Variants in TRDMT1 observed in about 807,000 individuals in gnomAD.
TRDMT1 encodes the protein tRNA aspartic acid methyltransferase 1, also known as tRNA (cytosine(38)-C(5))-methyltransferase.
TRDMT1 carries 49 observed loss-of-function variants against 51.2 expected under a neutral mutation model. The ratio of observed to expected loss-of-function variants is 0.96; its 90% CI spans 0.76 to 1.21. TRDMT1 has a LOEUF of 1.21. TRDMT1 is among the 50% of genes most tolerant of loss of function. TRDMT1 has a pLI of 0.00. For synonymous variants in TRDMT1, 187 were observed against 164.6 expected (o/e 1.14, Z -1.04); for missense variants, 534 against 462.3 (o/e 1.16, Z -1.42).
chr10:17,169,031 C>A, intron 2 of TRDMT1, 114 bp from the exon 3 acceptor site: 1 of 705,648 alleles, frequency 1.4e-6, no homozygotes, highest in Non-Finnish European at 2.2e-6. Context: ...GTTTATAATA[C>A]AATGCTTGTC....
At chr10:17,197,673 T>C (rs776295838) in intron 1 of TRDMT1, among the ~76,000 whole-genome samples, 1 of 152,104 alleles carries the variant, frequency 6.6e-6, no homozygotes, top group Non-Finnish European at 1.5e-5. Flanking sequence ...AATTCCAAAA[T>C]GGGCAAAGGC....
chr10:17,144,829 C>G lies in TRDMT1; in HGVS notation c.*4211G>C. On this transcript the variant is annotated 3_prime_UTR_variant, in exon 11 of 11. Coordinates refer to ENST00000377799, the MANE Select transcript of TRDMT1 (RefSeq NM_004412.7). ...AATACTTTTTCTTTTTTTTTTTAAA[C>G]TGAAGCTTTAAAATTTCACCAGCAA... is the stretch of plus-strand genomic sequence containing the variant. The G allele has an allele frequency of 1.0e-6, 1 of 983,242 alleles. No homozygotes were observed. 60.9% of individuals were successfully genotyped at this position (983,242 alleles called of 1,614,324 possible). A position where few individuals can be genotyped will look rare whatever the true frequency, so the allele number is the denominator to read the frequency against.
intron 2 of TRDMT1, 84 bp from the exon 3 acceptor site, chr10:17,169,001 AT>A: frequency 1.1e-6 from 1 of 878,896 alleles, no homozygotes; most frequent in East Asian, 2.7e-5. Flanking sequence ...CTATAATTAA[AT>A]ATATCAGAAA....
chr10:17,162,259 A>AC lies in TRDMT1; in HGVS notation c.252-23_252-22insG, dbSNP rs770237248. ...AATCCTAAAGGGGTAAAAAAAAAAA[A>AC]AAACAAAAAAAAACACAGAAAGTTT... On this transcript the variant is annotated intron_variant, in intron 3 of 10. Coordinates refer to ENST00000377799, the MANE Select transcript of TRDMT1 (RefSeq NM_004412.7). 4.9e-5 allele frequency: 76 copies of AC among 1,548,806 alleles called. No individual in the cohort carries two copies. The Admixed American group carries it at 9.2e-4, about 19-fold the overall frequency.
At chr10:17,196,834 T>G (rs1040917652) in intron 1 of TRDMT1, among the ~76,000 whole-genome samples, 2 of 152,168 alleles carry the variant, frequency 1.3e-5, no homozygotes. Context: ...AGTTTAGAGT[T>G]AGCAGTGTGA....
chr10:17,161,528 T>A lies in TRDMT1; in HGVS notation c.344A>T (p.Tyr115Phe). 7.6e-7 allele frequency: 1 copy of A among 1,316,638 alleles called. No individual in the cohort carries two copies. Among genetic ancestry groups the A allele is most frequent in the African/African-American group, 1.5e-5 (1 of 67,174 alleles). 81.6% of individuals were successfully genotyped at this position (1,316,638 alleles called of 1,614,324 possible). A position where few individuals can be genotyped will look rare whatever the true frequency, so the allele number is the denominator to read the frequency against. The stretch of plus-strand genomic sequence containing the variant: ...ACCTTTAACATTTTCCAAAAGAATA[T>A]ACTTTGGTAATTTTTGTAATCTATA... ...ILPRLQKLPK[Y>F]ILLENVKGFE... The change falls in exon 5 of 11, where the codon TAT becomes TTT. Residue 115 changes from tyrosine to phenylalanine, a missense_variant. Tyr to Phe is a conservative substitution (Grantham distance 22, BLOSUM62 3). Transcript: ENST00000377799.
At position 17,143,041 on chromosome 10, in the gene TRDMT1, G is replaced by T; in HGVS notation, c.*5999C>A. 1.0e-6 allele frequency: 1 copy of T among 985,410 alleles called. No homozygotes were observed. Among genetic ancestry groups the T allele is most frequent in the Admixed American group, 6.1e-5 (1 of 16,282 alleles). The allele number at this position is 985,410 out of a possible 1,614,324, so 61.0% of individuals were successfully genotyped here. On this transcript the variant is annotated 3_prime_UTR_variant, in exon 11 of 11. Transcript: ENST00000377799. The stretch of plus-strand genomic sequence containing the variant: ...TTCCAAAAGCCAAAAGCCTATCCCA[G>T]AATTATTTTTTAAATCATGTGTTCC...
rs773100874 is a variant in TRDMT1, at chr10:17,157,577, T to C, written c.751A>G (p.Lys251Glu). ...TCTTCAAGAAAATCTTTTAGCATTTTCACAGAGAGATCACTATCTTGTTGA... is the reference window on the plus strand; with the variant it reads ...TCTTCAAGAAAATCTTTTAGCATTTCCACAGAGAGATCACTATCTTGTTGA... The part of the protein sequence containing the change: ...KNQQDSDLSV[K>E]MLKDFLEDDT... Residue 251 changes from lysine to glutamate, a missense_variant, in exon 8 of 11, where the codon AAA (lysine) becomes GAA (glutamate). Physicochemically the swap from Lys to Glu is moderately conservative, Grantham distance 56. Transcript: ENST00000377799. 6 of 1,614,110 alleles carry C rather than the reference T, an allele frequency of 3.7e-6. No homozygotes were observed. The East Asian group carries it at 1.3e-4, about 36-fold the overall frequency.
chr10:17,198,330 C>G (rs907896040), intron 1 of TRDMT1, among the ~76,000 whole-genome samples: 1 of 152,180 alleles, frequency 6.6e-6, no homozygotes, highest in Non-Finnish European at 1.5e-5. Context: ...AGTAAGGACT[C>G]AAACAATACT....
rs1354323177 is a variant in TRDMT1, at chr10:17,144,131, A to G, written c.*4909T>C. 7 of 985,352 alleles carry G rather than the reference A, an allele frequency of 7.1e-6. No homozygotes were observed. Among genetic ancestry groups the G allele is most frequent in the South Asian group, 9.4e-5 (2 of 21,286 alleles). 61.0% of individuals were successfully genotyped at this position (985,352 alleles called of 1,614,324 possible). A position where few individuals can be genotyped will look rare whatever the true frequency, so the allele number is the denominator to read the frequency against. ...AGAGACCTGAGGACGGAACCTTCAGATAAGTCAGCTCCAAGCCTCTGCTCT... is the reference window on the plus strand; with the variant it reads ...AGAGACCTGAGGACGGAACCTTCAGGTAAGTCAGCTCCAAGCCTCTGCTCT... On this transcript the variant is annotated 3_prime_UTR_variant, in exon 11 of 11. Coordinates refer to ENST00000377799, the MANE Select transcript of TRDMT1 (RefSeq NM_004412.7).
At chr10:17,189,352 T>A (rs768514855) in intron 1 of TRDMT1, among the ~76,000 whole-genome samples, 1 of 152,220 alleles carries the variant, frequency 6.6e-6, no homozygotes, top group Non-Finnish European at 1.5e-5. Flanking sequence ...GGATTTTAAA[T>A]ATAGTGCCTT....
At chr10:17,150,906 C>T (rs1838609639) in intron 10 of TRDMT1, 2 of 985,076 alleles carry the variant, frequency 2.0e-6, no homozygotes, top group Middle Eastern at 5.2e-4. Context: ...TTAGACTATC[C>T]CAGAGATGAT....
chr10:17,199,646 G>C (rs552564703), intron 1 of TRDMT1, among the ~76,000 whole-genome samples: 33 of 152,312 alleles, frequency 2.2e-4, no homozygotes, highest in Non-Finnish European at 4.3e-4. Flanking sequence ...GTTAAGATGG[G>C]ACTGTGATTA....
intron 1 of TRDMT1, among the ~76,000 whole-genome samples, chr10:17,178,140 GTAAC>G (rs913257328): frequency 4.6e-5 from 7 of 152,030 alleles, no homozygotes; most frequent in Admixed American, 6.6e-5. Flanking sequence ...ATATAGGTGA[GTAAC>G]TACTGAATTA....
intron 1 of TRDMT1, among the ~76,000 whole-genome samples, chr10:17,178,125 A>T (rs1842840097): frequency 6.6e-6 from 1 of 152,190 alleles, no homozygotes; most frequent in South Asian, 2.1e-4. Flanking sequence ...TCTAATCTAT[A>T]TCTCATATAG....
intron 1 of TRDMT1, among the ~76,000 whole-genome samples, chr10:17,178,259 G>T (rs922194479): frequency 6.6e-6 from 1 of 152,168 alleles, no homozygotes; most frequent in Non-Finnish European, 1.5e-5. Context: ...TTCATTCAAA[G>T]TGCTGGCTTA....
chr10:17,200,320 A>T (rs1227289381), intron 1 of TRDMT1, among the ~76,000 whole-genome samples: 2 of 152,230 alleles, frequency 1.3e-5, no homozygotes, highest in African/African-American at 4.8e-5. Context: ...CGGACATTAT[A>T]TCACTTTAGA....
At chr10:17,172,653 T>C (rs1009413572) in intron 2 of TRDMT1, among the ~76,000 whole-genome samples, 2 of 152,180 alleles carry the variant, frequency 1.3e-5, no homozygotes, top group Non-Finnish European at 2.9e-5. Context: ...TTATATCACA[T>C]GCAAACTTTG....
At chr10:17,196,975 G>C (rs1254295532) in intron 1 of TRDMT1, among the ~76,000 whole-genome samples, 1 of 152,148 alleles carries the variant, frequency 6.6e-6, no homozygotes, top group Non-Finnish European at 1.5e-5. Flanking sequence ...CTGGCTTCCA[G>C]AACCCAGCAC....
Sources: gnomAD v4.1 joint callset for allele counts (sites outside exome capture counted in the v4.1 genomes callset) on GRCh38, gnomAD v4.1.1 for gene constraint, MANE v1.5 for transcripts, NCBI Gene and HGNC (gene_info 2026-07-23, HGNC 2026-07-21) for gene names.